Variants in NIF3L1 observed in about 807,000 individuals in gnomAD.
The protein encoded by NIF3L1 is NGG1 interacting factor 3 like 1, also known as NIF3-like protein 1.
In NIF3L1, 26 loss-of-function variants were observed where a neutral mutation model predicts 35.0. The ratio of observed to expected loss-of-function variants is 0.74; its 90% confidence interval spans 0.54 to 1.03. NIF3L1 has a LOEUF of 1.03. NIF3L1 is among the 50% of genes least tolerant of loss of function. The pLI is 0.00. For missense variants in NIF3L1, 449 were observed against 466.3 expected (o/e 0.96, Z 0.34); for synonymous variants, 157 against 178.9 (o/e 0.88, Z 0.98).
intron 5 of NIF3L1, among the ~76,000 whole-genome samples, chr2:200,898,589 T>C (rs2040357025): frequency 6.6e-6 from 1 of 152,154 alleles, no homozygotes; most frequent in African/African-American, 2.4e-5. Flanking sequence ...AGGGAGTTAG[T>C]GTCCAAAGAA....
chr2:200,901,275 C>G (rs1270410040), intron 6 of NIF3L1, among the ~76,000 whole-genome samples: 1 of 152,182 alleles, frequency 6.6e-6, no homozygotes, highest in African/African-American at 2.4e-5. Context: ...CTCCTTCAGT[C>G]TGGAATAGTT....
intron 2 of NIF3L1, 25 bp from the exon 3 acceptor site, chr2:200,893,221 C>T (rs1054206963): frequency 2.1e-6 from 3 of 1,461,442 alleles, no homozygotes; most frequent in Admixed American, 2.5e-5. Context: ...CCAAAACTCC[C>T]ATTTTCCCAC....
At position 200,892,051 on chromosome 2, in the gene NIF3L1, CT is replaced by C. The variant is rs1008909135; in HGVS notation, c.110del (p.Leu37Ter). On this transcript the variant is annotated frameshift_variant, in exon 2 of 7. Transcript: ENST00000409020. LOFTEE classifies it high-confidence loss of function. ...FMDLKALLSSLNDFASLSFAE... is the reference protein window; with the variant it reads ...FMDLKALLSSXNDFASLSFAE... ...TGGATTTGAAGGCTCTCCTTTCTTC[CT>C]TGAATGACTTTGCATCCCTCTCGTT... 3 of 1,614,166 alleles carry C rather than the reference CT, an allele frequency of 1.9e-6. No individual in the cohort carries two copies. The highest frequency in any genetic ancestry group is 1.7e-6 in the Non-Finnish European group (2 of 1,180,020).
rs780317811 is a variant in NIF3L1, at chr2:200,895,252, T to C, written c.600-12T>C. 3 of 1,612,276 alleles carry C rather than the reference T, an allele frequency of 1.9e-6. No homozygotes were observed. Among genetic ancestry groups the C allele is most frequent in the African/African-American group, 1.3e-5 (1 of 74,986 alleles). ...TATATTTGTCCTAAATGGAGTGATT[T>C]TTCCCCCCTAGGACTGGTAATGAGG... On this transcript the variant is annotated splice_polypyrimidine_tract_variant and intron_variant, in intron 3 of 6. Transcript: ENST00000409020.
At chr2:200,892,486 T>A in intron 2 of NIF3L1, 107 bp downstream of exon 2, 1 of 739,608 alleles carries the variant, frequency 1.4e-6, no homozygotes, top group Non-Finnish European at 2.0e-6. Flanking sequence ...AGGGCATGAT[T>A]CCATTTTTAT....
intron 3 of NIF3L1, among the ~76,000 whole-genome samples, chr2:200,894,003 C>A (rs1420619665): frequency 6.6e-6 from 1 of 151,960 alleles, no homozygotes; most frequent in Admixed American, 6.6e-5. Flanking sequence ...GGAGAAACCT[C>A]GTCTCTACTA....
At position 200,893,255 on chromosome 2, in the gene NIF3L1, C is replaced by T. The variant is rs1458634005; in HGVS notation, c.446C>T (p.Thr149Ile). Residue 149 changes from threonine to isoleucine, a missense_variant, in exon 3 of 7, where the codon ACC becomes ATC. Coordinates refer to ENST00000409020, the MANE Select transcript of NIF3L1 (RefSeq NM_001369441.2). ...NWLAKGLGACTSRPIHPSKAP... is the reference protein window; with the variant it reads ...NWLAKGLGACISRPIHPSKAP... The stretch of plus-strand genomic sequence containing the variant: ...ACAATATTTTCTCTAGGAGCTTGTA[C>T]CTCCAGGCCCATACATCCTTCCAAA... The T allele has an allele frequency of 6.7e-7, 1 of 1,493,506 alleles. No individual in the cohort carries two copies. The highest frequency in any genetic ancestry group is 8.9e-7 in the Non-Finnish European group (1 of 1,117,750). The allele number at this position is 1,493,506 out of a possible 1,614,324, so 92.5% of individuals were successfully genotyped here. A position where few individuals can be genotyped will look rare whatever the true frequency, so the allele number is the denominator to read the frequency against.
intron 5 of NIF3L1, chr2:200,899,117 T>G: frequency 3.1e-6 from 1 of 326,898 alleles, no homozygotes; most frequent in Non-Finnish European, 5.7e-6. Context: ...TTGTTCCGTA[T>G]TTTGCGCAAT....
chr2:200,893,404 G>A lies in NIF3L1; in HGVS notation c.595G>A (p.Ala199Thr), dbSNP rs776051945. 1 of 1,613,582 alleles carries A rather than the reference G, an allele frequency of 6.2e-7. No homozygotes were observed. Residue 199 changes from alanine (A) to threonine (T), a missense_variant, in exon 3 of 7, where the codon GCT (alanine) becomes ACT (threonine). Physicochemically the swap from Ala to Thr is moderately conservative, Grantham distance 58. Transcript: ENST00000409020. ...CGGTGTTTCTGTCACTTCTTTTTCT[G>A]CTAGGTACAATTTATTTTTCTCTTT... ...IDGVSVTSFS[A>T]RTGNEEQTRI...
At chr2:200,896,798 G>A (rs1444672744) in intron 4 of NIF3L1, among the ~76,000 whole-genome samples, 1 of 152,080 alleles carries the variant, frequency 6.6e-6, no homozygotes, top group African/African-American at 2.4e-5. Flanking sequence ...TGCCCAGGCT[G>A]GTCTCAAACT....
intron 6 of NIF3L1, among the ~76,000 whole-genome samples, chr2:200,902,012 C>T (rs989989309): frequency 5.9e-5 from 9 of 152,092 alleles, no homozygotes; most frequent in African/African-American, 1.4e-4. Context: ...AATGAGATGA[C>T]ACTTATTAGG....
intron 5 of NIF3L1, among the ~76,000 whole-genome samples, chr2:200,898,473 C>T (rs1044575818): frequency 2.0e-5 from 3 of 152,134 alleles, no homozygotes; most frequent in African/African-American, 7.2e-5. Flanking sequence ...CCGCCCTTGA[C>T]CCGTGGGAAT....
chr2:200,895,363 G>C lies in NIF3L1; in HGVS notation c.699G>C (p.Gln233His). 1.2e-6 allele frequency: 2 copies of C among 1,613,972 alleles called. No homozygotes were observed. Among genetic ancestry groups the C allele is most frequent in the Non-Finnish European group, 1.7e-6 (2 of 1,179,912 alleles). The change falls in exon 4 of 7, where the codon CAG (glutamine) becomes CAC (histidine). Residue 233 changes from glutamine to histidine, a missense_variant. Transcript: ENST00000409020. ...TTTCCCGGAACAAACAACTTTATCA[G>C]AAGACGGAAATTCTGTCACTGGAGA... Reference protein sequence around the residue: ...DFLSRNKQLYQKTEILSLEKP... With the variant: ...DFLSRNKQLYHKTEILSLEKP...
At position 200,903,557 on chromosome 2, in the gene NIF3L1, AAC is replaced by A; in HGVS notation, c.1017_1018del (p.His339GlnfsTer4). 6.2e-7 allele frequency: 1 copy of A among 1,614,130 alleles called. No individual in the cohort carries two copies. The highest frequency in any genetic ancestry group is 1.3e-5 in the African/African-American group (1 of 75,056). ...CAAGGAATAAATGTCATCCTCTGTGAACACAGCAACACTGAACGAGGCTTTCT... is the reference window on the plus strand; with the variant it reads ...CAAGGAATAAATGTCATCCTCTGTGAACAGCAACACTGAACGAGGCTTTCT... On this transcript the variant is annotated frameshift_variant, in exon 7 of 7. Transcript: ENST00000409020. LOFTEE classifies it high-confidence loss of function.
Position 200,891,981 on chromosome 2 carries a change from T to C in NIF3L1, c.38T>C (p.Val13Ala). 1.9e-6 allele frequency: 3 copies of C among 1,613,920 alleles called. No individual in the cohort carries two copies. The highest frequency in any genetic ancestry group is 2.5e-6 in the Non-Finnish European group (3 of 1,179,862). ...SSCVRPVPTT[V>A]RFVDSLICNS... ...TGCGTACGCCCAGTCCCCACGACAG[T>C]CCGGTTTGTAGATTCCCTGATCTGC... Residue 13 changes from valine to alanine, a missense_variant, in exon 2 of 7, where the codon GTC (valine) becomes GCC (alanine). Physicochemically the swap from Val to Ala is moderately conservative, Grantham distance 64 (BLOSUM62 0). Coordinates refer to ENST00000409020, the MANE Select transcript of NIF3L1 (RefSeq NM_001369441.2).
chr2:200,901,427 C>T (rs540842764), intron 6 of NIF3L1, among the ~76,000 whole-genome samples: 2 of 152,056 alleles, frequency 1.3e-5, no homozygotes, highest in South Asian at 2.1e-4. Flanking sequence ...TATAATGATA[C>T]GTGCATAAGA....
intron 4 of NIF3L1, among the ~76,000 whole-genome samples, chr2:200,896,227 A>G (rs1021890927): frequency 6.6e-6 from 1 of 152,120 alleles, no homozygotes. Flanking sequence ...ATGATCTGCT[A>G]CAGCCTGGGC....
chr2:200,894,710 CTT>C (rs74740047), intron 3 of NIF3L1, among the ~76,000 whole-genome samples: 32 of 123,648 alleles, frequency 2.6e-4, no homozygotes, highest in Middle Eastern at 4.6e-3. Flanking sequence ...GCCTGGCCTT[CTT>C]TTTTTTTTTT....
At chr2:200,890,343 G>GTGA (rs2040150680) in intron 1 of NIF3L1, among the ~76,000 whole-genome samples, 1 of 152,086 alleles carries the variant, frequency 6.6e-6, no homozygotes, top group Admixed American at 6.5e-5. Flanking sequence ...TAGGCGCCTA[G>GTGA]TGAAACCCTG....
Sources: allele counts gnomAD v4.1 joint callset (sites outside exome capture counted in the v4.1 genomes callset), GRCh38; gene constraint gnomAD v4.1.1; transcripts MANE v1.5; gene names NCBI Gene and HGNC (gene_info 2026-07-23, HGNC 2026-07-21).